Variants in LRP2 observed in about 807,000 individuals in gnomAD.
The protein encoded by LRP2 is LDL receptor related protein 2, also known as low-density lipoprotein receptor-related protein 2.
A neutral mutation model predicts 531.0 loss-of-function variants in LRP2; 172 were observed. The observed-to-expected ratio is 0.32, with a 90% CI of 0.29 to 0.37. The LOEUF (loss-of-function observed/expected upper bound fraction) is 0.37, where lower values mean the gene tolerates loss of function less well. LRP2 is among the 10% of genes least tolerant of loss of function. The pLI is 1.00. For synonymous variants in LRP2, 1,992 were observed against 2,027.6 expected (o/e 0.98, Z 0.47); for missense variants, 5,167 against 5,868.3 (o/e 0.88, Z 3.90).
At position 169,246,821 on chromosome 2, in the gene LRP2, T is replaced by G. The variant is rs775572555; in HGVS notation, c.3074A>C (p.Gln1025Pro). The change falls in exon 21 of 79, where the codon CAG becomes CCG. Residue 1025 changes from glutamine to proline, a missense_variant. By Grantham distance (76) the Gln-to-Pro change is moderately conservative. Around this residue, in one of 6 missense-constraint regions of LRP2, gnomAD observed 2,811 missense variants for 3,058.0 expected, o/e 0.92. Transcript: ENST00000649046. ...GDPTNEPPTE[Q>P]CGLFSFPCKN... ...ACAGGGGAAGGAAAATAAGCCACAC[T>G]GCTCTGTGGGTGGTTCATTGGTTGG... The G allele has an allele frequency of 1.2e-6, 2 of 1,614,172 alleles. No homozygotes were observed. Among genetic ancestry groups the G allele is most frequent in the Non-Finnish European group, 1.7e-6 (2 of 1,180,036 alleles).
rs768430515 is a variant in LRP2 at position 169,207,143 on chromosome 2, T to G, written c.6577A>C (p.Arg2193=). Residue 2193 remains arginine (R), a synonymous_variant, in exon 39 of 79, where the codon AGG becomes CGG. Coordinates refer to ENST00000649046, the MANE Select transcript of LRP2 (RefSeq NM_004525.3). ...TTCTTGGGATCTACAACAATATGCC[T>G]AGGCATGTCCACTGTGACTTTAAGA... ...VLLKVTVDMP[R]HIVVDPKNRY... 1 of 1,613,156 alleles carries G rather than the reference T, an allele frequency of 6.2e-7. No homozygotes were observed. The highest frequency in any genetic ancestry group is 1.1e-5 in the South Asian group (1 of 90,872).
At chr2:169,140,331 G>A in intron 72 of LRP2, 124 bp downstream of exon 72, 1 of 772,182 alleles carries the variant, frequency 1.3e-6, no homozygotes, top group Non-Finnish European at 2.3e-6. Context: ...AAGGCAAGCT[G>A]GTTAAAATGT....
At chr2:169,159,951 A>G (rs1558986039) in intron 63 of LRP2, among the ~76,000 whole-genome samples, 1 of 152,174 alleles carries the variant, frequency 6.6e-6, no homozygotes, top group Non-Finnish European at 1.5e-5. Flanking sequence ...ACCACACGAC[A>G]CTGTAGGATT....
intron 9 of LRP2, among the ~76,000 whole-genome samples, chr2:169,288,134 C>T (rs957305630): frequency 1.3e-5 from 2 of 152,126 alleles, no homozygotes; most frequent in African/African-American, 4.8e-5. Flanking sequence ...TAAACTCCCT[C>T]TGTGATCACT....
chr2:169,330,358 G>A (rs1685232286), intron 1 of LRP2, among the ~76,000 whole-genome samples: 1 of 152,144 alleles, frequency 6.6e-6, no homozygotes. Context: ...AGAATGAGAT[G>A]TACTACTTGA....
Position 169,212,055 on chromosome 2 carries a change from T to A in LRP2, c.6193A>T (p.Ile2065Phe), listed in dbSNP as rs750376212. 6.2e-7 allele frequency: 1 copy of A among 1,613,928 alleles called. No homozygotes were observed. The highest frequency in any genetic ancestry group is 8.5e-7 in the Non-Finnish European group (1 of 1,179,908). The change falls in exon 37 of 79, where the codon ATT becomes TTT. Residue 2065 changes from isoleucine to phenylalanine, a missense_variant. Physicochemically the swap from Ile to Phe is conservative, Grantham distance 21 (BLOSUM62 0). Around this residue, in one of 6 missense-constraint regions of LRP2, gnomAD observed 2,811 missense variants for 3,058.0 expected, o/e 0.92. Coordinates refer to ENST00000649046, the MANE Select transcript of LRP2 (RefSeq NM_004525.3). ...ATTGCAGACAGCATTGAAACAACAATGAAAGAGTTATATGGAGAGCAGGAC... is the reference window on the plus strand; with the variant it reads ...ATTGCAGACAGCATTGAAACAACAAAGAAAGAGTTATATGGAGAGCAGGAC... ...NRSCSPYNSF[I>F]VVSMLSAIRG...
chr2:169,362,307 G>A lies in LRP2; in HGVS notation c.79+14C>T, dbSNP rs1293021066. ...AAGTGGGGGCTCCACGAGAGGCTCT[G>A]GCTGGGCTCTTACCTTGGCCACTGG... On this transcript the variant is annotated intron_variant, in intron 1 of 78. Coordinates refer to ENST00000649046, the MANE Select transcript of LRP2 (RefSeq NM_004525.3). 2 of 1,553,352 alleles carry A rather than the reference G, an allele frequency of 1.3e-6. No individual in the cohort carries two copies. Among genetic ancestry groups the A allele is most frequent in the South Asian group, 1.2e-5 (1 of 84,368 alleles).
chr2:169,290,837 A>G lies in LRP2; in HGVS notation c.922+8T>C, dbSNP rs1041714468. 3.1e-6 allele frequency: 5 copies of G among 1,613,722 alleles called. No homozygotes were observed. The highest frequency in any genetic ancestry group is 4.2e-6 in the Non-Finnish European group (5 of 1,179,724). Reference sequence around the variant, plus strand: ...CTGAAAGCTACCCAGGTAAATGTCTATACTCACTACAGTATTTTCCGGTAC... The same window carrying G: ...CTGAAAGCTACCCAGGTAAATGTCTGTACTCACTACAGTATTTTCCGGTAC... On this transcript the variant is annotated splice_region_variant and intron_variant, in intron 8 of 78. Transcript: ENST00000649046.
intron 14 of LRP2, among the ~76,000 whole-genome samples, chr2:169,273,331 A>T (rs902841804): frequency 1.3e-5 from 2 of 152,104 alleles, no homozygotes; most frequent in African/African-American, 4.8e-5. Flanking sequence ...CTCCCCAATA[A>T]TTATGTCAGA....
chr2:169,284,260 T>TC (rs1170841190), intron 9 of LRP2, among the ~76,000 whole-genome samples: 226 of 118,372 alleles, frequency 1.9e-3, no homozygotes, highest in African/African-American at 7.4e-3. Context: ...TTTTTTCTTT[T>TC]TTTTTTTTTT....
chr2:169,299,139 GAAAGAAAGAAAGAAAGA>G (rs1684217902), intron 4 of LRP2, among the ~76,000 whole-genome samples: 2 of 57,198 alleles, frequency 3.5e-5, no homozygotes. Context: ...AAGAAAGAAA[GAAAGAAAGAAAGAAAGA>G]AAAAAAGAAA....
intron 48 of LRP2, 45 bp downstream of exon 48, chr2:169,191,787 T>G: frequency 5.7e-6 from 9 of 1,565,784 alleles, no homozygotes; most frequent in African/African-American, 1.4e-5. Flanking sequence ...CCAGCCCCCA[T>G]GGACATTTGA....
At chr2:169,222,770 C>T (rs1689064598) in intron 33 of LRP2, among the ~76,000 whole-genome samples, 1 of 152,128 alleles carries the variant, frequency 6.6e-6, no homozygotes, top group Non-Finnish European at 1.5e-5. Context: ...TTTTAAATAT[C>T]TTATTGTGCT....
chr2:169,321,505 G>A (rs1044754989), intron 1 of LRP2, among the ~76,000 whole-genome samples: 2 of 150,480 alleles, frequency 1.3e-5, no homozygotes, highest in Non-Finnish European at 3.0e-5. Context: ...GTTAACAGTG[G>A]TTATCTCTGA....
intron 61 of LRP2, 78 bp downstream of exon 61, chr2:169,168,461 C>G (rs908332159): frequency 1.3e-6 from 2 of 1,567,982 alleles, no homozygotes; most frequent in African/African-American, 2.7e-5. Context: ...GCTCTCCAGG[C>G]TCACATGCTA....
chr2:169,207,146 G>A lies in LRP2; in HGVS notation c.6574C>T (p.Pro2192Ser), dbSNP rs1290033637. The A allele has an allele frequency of 6.2e-7, 1 of 1,613,242 alleles. No homozygotes were observed. Among genetic ancestry groups the A allele is most frequent in the Non-Finnish European group, 8.5e-7 (1 of 1,179,712 alleles). The change falls in exon 39 of 79, where the codon CCT becomes TCT. Residue 2192 changes from proline (P) to serine (S), a missense_variant. By Grantham distance (74) the Pro-to-Ser change is moderately conservative. Transcript: ENST00000649046. ...TTGGGATCTACAACAATATGCCTAG[G>A]CATGTCCACTGTGACTTTAAGAAGA... ...RVLLKVTVDM[P>S]RHIVVDPKNR...
intron 70 of LRP2, among the ~76,000 whole-genome samples, chr2:169,144,517 G>A (rs1443685731): frequency 6.6e-6 from 1 of 152,114 alleles, no homozygotes; most frequent in Non-Finnish European, 1.5e-5. Context: ...TCCAGAGGCG[G>A]TAGGGAGGGG....
At chr2:169,177,551 GA>G (rs373013351) in intron 53 of LRP2, among the ~76,000 whole-genome samples, 3,275 of 143,190 alleles carry the variant, frequency 0.023, 40 homozygotes, top group Non-Finnish European at 0.032. Flanking sequence ...AAAAACAAAG[GA>G]AAAAAAAAAA....
Position 169,277,813 on chromosome 2 carries a change from C to T in LRP2, c.1704G>A (p.Ser568=), listed in dbSNP as rs774520988. The T allele has an allele frequency of 3.7e-6, 6 of 1,614,134 alleles. 1 individual carries two copies. Among genetic ancestry groups the T allele is most frequent in the South Asian group, 3.3e-5 (3 of 91,082 alleles). ...WPAGVTLDMI[S]KRVYWVDSRF... is the part of the protein sequence containing the mutation. ...GAGAGTCAACCCAGTAAACACGCTT[C>T]GATATCATATCCAGAGTTACCCCAG... Residue 568 remains serine, a synonymous_variant, in exon 13 of 79, where the codon TCG becomes TCA. Coordinates refer to ENST00000649046, the MANE Select transcript of LRP2 (RefSeq NM_004525.3).
Sources: gnomAD v4.1 joint callset for allele counts (sites outside exome capture counted in the v4.1 genomes callset) on GRCh38, gnomAD v4.1.1 for gene constraint, gnomAD v4.1.1 regional missense constraint, MANE v1.5 for transcripts, NCBI Gene and HGNC (gene_info 2026-07-23, HGNC 2026-07-21) for gene names.